CELF1: variants seen among roughly 807,000 people sequenced by gnomAD.
CELF1 encodes the protein 50 kDa nuclear polyadenylated RNA-binding protein.
A neutral mutation model predicts 61.8 loss-of-function variants in CELF1; 10 were observed. The observed-to-expected ratio is 0.16, with a 90% CI of 0.10 to 0.27. The LOEUF is 0.27. Among genes scored for constraint, CELF1 ranks in the 10% least tolerant of loss-of-function variants. The pLI, the probability that CELF1 is intolerant of heterozygous loss-of-function variation, is 1.00. For synonymous variants in CELF1, 236 were observed against 225.1 expected (o/e 1.05, Z -0.43); for missense variants, 380 against 639.1 (o/e 0.59, Z 4.37).
At chr11:47,484,599 C>A in intron 6 of CELF1, 76 bp from the exon 7 acceptor site, 2 of 1,341,556 alleles carry the variant, frequency 1.5e-6, no homozygotes, top group South Asian at 1.3e-5. Flanking sequence ...GGAGCCAGAC[C>A]GCCTGGGTTT....
At chr11:47,528,367 T>C (rs545167130) in intron 1 of CELF1, among the ~76,000 whole-genome samples, 13 of 152,314 alleles carry the variant, frequency 8.5e-5, no homozygotes, top group Admixed American at 8.5e-4. Flanking sequence ...TATGCATTTA[T>C]AAGGAAATGG....
chr11:47,540,722 A>G (rs1488892642), intron 1 of CELF1, among the ~76,000 whole-genome samples: 1 of 152,076 alleles, frequency 6.6e-6, no homozygotes, highest in Non-Finnish European at 1.5e-5. Flanking sequence ...CGTCTCTACT[A>G]AAAATACAAA....
At chr11:47,492,292 G>C (rs770123747) in intron 3 of CELF1, among the ~76,000 whole-genome samples, 7 of 152,122 alleles carry the variant, frequency 4.6e-5, no homozygotes, top group Non-Finnish European at 8.8e-5. Flanking sequence ...ATTTTCTTTT[G>C]AGTGTTTCAG....
At chr11:47,495,059 G>C (rs1044201281) in intron 3 of CELF1, among the ~76,000 whole-genome samples, 1 of 152,172 alleles carries the variant, frequency 6.6e-6, no homozygotes, top group Non-Finnish European at 1.5e-5. Context: ...CTGCGATACA[G>C]AATATTTTCA....
intron 1 of CELF1, among the ~76,000 whole-genome samples, chr11:47,520,444 A>ACTTG (rs1242045350): frequency 6.6e-6 from 1 of 152,132 alleles, no homozygotes; most frequent in Admixed American, 6.6e-5. Flanking sequence ...ATATGGCAAA[A>ACTTG]CTTGCTGGTT....
At chr11:47,482,994 A>T in intron 8 of CELF1, 138 bp from the exon 9 acceptor site, 1 of 814,258 alleles carries the variant, frequency 1.2e-6, no homozygotes, top group Non-Finnish European at 1.9e-6. Flanking sequence ...GACACAAGAG[A>T]GAAGAGACTG....
At chr11:47,551,966 T>C (rs1164696509) in intron 1 of CELF1, among the ~76,000 whole-genome samples, 2 of 144,960 alleles carry the variant, frequency 1.4e-5, no homozygotes, top group African/African-American at 2.6e-5. Flanking sequence ...TGAGCCGAGA[T>C]AGCGCCACTG....
chr11:47,511,183 C>T (rs1316076157), intron 1 of CELF1, among the ~76,000 whole-genome samples: 1 of 152,106 alleles, frequency 6.6e-6, no homozygotes, highest in African/African-American at 2.4e-5. Context: ...AAGATCGTCT[C>T]AAAAACCAAA....
At chr11:47,537,066 T>C (rs1481872934) in intron 1 of CELF1, among the ~76,000 whole-genome samples, 3 of 152,146 alleles carry the variant, frequency 2.0e-5, no homozygotes, top group Non-Finnish European at 2.9e-5. Flanking sequence ...GAAAAGCATG[T>C]CTTGGCCCAG....
At chr11:47,480,449 A>G (rs184214360) in intron 9 of CELF1, among the ~76,000 whole-genome samples, 6 of 152,270 alleles carry the variant, frequency 3.9e-5, no homozygotes, top group Admixed American at 2.6e-4. Context: ...TGAATACTGT[A>G]CTTGGTCCCT....
intron 6 of CELF1, among the ~76,000 whole-genome samples, chr11:47,485,711 A>G (rs890907261): frequency 6.6e-6 from 1 of 151,552 alleles, no homozygotes; most frequent in Admixed American, 6.6e-5. Flanking sequence ...CCTCCTGAGT[A>G]GCTGGGATTA....
Position 47,482,935 on chromosome 11 carries a change from C to A in CELF1, c.607-79G>T, listed in dbSNP as rs530158836. ...AAAAATCTTCCTTTTGGATGACATGCAGGTTACATTCTAATTTCATTCACT... is the reference window on the plus strand; with the variant it reads ...AAAAATCTTCCTTTTGGATGACATGAAGGTTACATTCTAATTTCATTCACT... On this transcript the variant is annotated intron_variant, in intron 8 of 14. Coordinates refer to ENST00000687097, the MANE Select transcript of CELF1 (RefSeq NM_001376376.1). 2.7e-5 allele frequency: 35 copies of A among 1,290,654 alleles called. No individual in the cohort carries two copies. The South Asian group carries it at 4.4e-4, about 16-fold the overall frequency. The allele number at this position is 1,290,654 out of a possible 1,614,324, so 80.0% of individuals were successfully genotyped here.
chr11:47,560,953 A>G (rs1275609378), intron 2 of CELF1, among the ~76,000 whole-genome samples: 1 of 151,888 alleles, frequency 6.6e-6, no homozygotes, highest in African/African-American at 2.4e-5. Flanking sequence ...CCTGGCTAAT[A>G]TGGTGAAACC....
intron 1 of CELF1, among the ~76,000 whole-genome samples, chr11:47,550,013 G>C (rs7944166): frequency 1 from 151,905 of 151,912 alleles, 75,949 homozygotes; most frequent in Middle Eastern, 1. Flanking sequence ...GATGGGGTTT[G>C]ACCATATTGG....
intron 3 of CELF1, chr11:47,494,368 CATT>C: frequency 1.0e-6 from 1 of 983,292 alleles, no homozygotes; most frequent in African/African-American, 1.7e-5. Flanking sequence ...CTTCTGCTGC[CATT>C]ATTAAGAATG....
chr11:47,486,884 G>T, intron 5 of CELF1, 86 bp from the exon 6 acceptor site: 1 of 1,032,244 alleles, frequency 9.7e-7, no homozygotes, highest in Non-Finnish European at 1.5e-6. Context: ...CAGAACTAGA[G>T]CTTTAAAGAG....
At chr11:47,527,361 G>A (rs989138950) in intron 1 of CELF1, among the ~76,000 whole-genome samples, 27 of 151,822 alleles carry the variant, frequency 1.8e-4, no homozygotes, top group African/African-American at 5.6e-4. Flanking sequence ...ACCGCACTCC[G>A]GCCTGGGTGA....
intron 1 of CELF1, among the ~76,000 whole-genome samples, chr11:47,533,964 G>A (rs543316294): frequency 6.8e-6 from 1 of 146,348 alleles, no homozygotes; most frequent in South Asian, 2.2e-4. Flanking sequence ...TATGACCTAT[G>A]TATGCTGCTA....
At chr11:47,476,035 T>C (rs1250523426) in intron 12 of CELF1, among the ~76,000 whole-genome samples, 1 of 151,520 alleles carries the variant, frequency 6.6e-6, no homozygotes, top group Non-Finnish European at 1.5e-5. Flanking sequence ...AGTCTCACTC[T>C]GTCACCTAGG....
Sources: gnomAD v4.1 joint callset for allele counts (sites outside exome capture counted in the v4.1 genomes callset) on GRCh38, gnomAD v4.1.1 for gene constraint, MANE v1.5 for transcripts, NCBI Gene and HGNC (gene_info 2026-07-23, HGNC 2026-07-21) for gene names.